GCNT1: variants seen among roughly 807,000 people sequenced by gnomAD.
GCNT1 encodes beta-1,3-galactosyl-O-glycosyl-glycoprotein beta-1,6-N-acetylglucosaminyltransferase.
A neutral mutation model predicts 26.2 loss-of-function variants in GCNT1; 16 were observed. That is an observed-to-expected ratio of 0.61 (90% CI 0.41 to 0.93). The LOEUF is 0.93. GCNT1 is among the 40% of genes least tolerant of loss of function. The probability of loss-of-function intolerance (pLI) is 0.00; values close to 1 mark genes in which losing one functional copy is unlikely to be tolerated. For missense variants in GCNT1, 477 were observed against 526.7 expected, an observed-to-expected ratio of 0.91 and a Z score of 0.92; for synonymous variants, 183 against 190.8, an observed-to-expected ratio of 0.96 and a Z score of 0.34.
upstream of GCNT1, among the ~76,000 whole-genome samples, chr9:76,457,248 A>T (rs1426460820): frequency 6.6e-6 from 1 of 151,982 alleles, no homozygotes; most frequent in African/African-American, 2.4e-5. Context: ...ATTTTTAATT[A>T]ATTAATTTAT....
At chr9:76,480,889 T>C (rs977858898) in intron 2 of GCNT1, among the ~76,000 whole-genome samples, 1 of 152,096 alleles carries the variant, frequency 6.6e-6, no homozygotes, top group Non-Finnish European at 1.5e-5. Flanking sequence ...AATTTCATTA[T>C]GTATTTTAAC....
intron 2 of GCNT1, among the ~76,000 whole-genome samples, chr9:76,462,036 T>G (rs531018664): frequency 1.1e-3 from 171 of 152,360 alleles, no homozygotes; most frequent in African/African-American, 3.8e-3. Context: ...TATTGTACAT[T>G]TTTCATGAAA....
chr9:76,434,371 G>T (rs1823378212), intron 1 of GCNT1, among the ~76,000 whole-genome samples: 1 of 152,176 alleles, frequency 6.6e-6, no homozygotes, highest in Admixed American at 6.6e-5. Flanking sequence ...GGAGTGACTG[G>T]CTGGAGCCAT....
At chr9:76,421,683 T>C (rs1016390709) in intron 1 of GCNT1, among the ~76,000 whole-genome samples, 1 of 130,086 alleles carries the variant, frequency 7.7e-6, no homozygotes, top group African/African-American at 2.9e-5. Flanking sequence ...AATTTGTTTG[T>C]AGGTTGTTTT....
intron 1 of GCNT1, among the ~76,000 whole-genome samples, 194 bp from the exon 2 acceptor site, chr9:76,459,866 C>T (rs1463979302): frequency 6.6e-6 from 1 of 152,182 alleles, no homozygotes; most frequent in Non-Finnish European, 1.5e-5. Context: ...TTTCCTTCTT[C>T]TCGCGGCAGT....
In GCNT1 at chr9:76,505,113, A is replaced by G; in HGVS notation, c.*1445A>G. ...CTACCAGGAACTGTGAGGCTTTGTC[A>G]TTTAGCATTAGACTTTAAACAAGAA... On this transcript the variant is annotated 3_prime_UTR_variant, in exon 4 of 4. Transcript: ENST00000376730. 2 of 411,564 alleles carry G rather than the reference A, an allele frequency of 4.9e-6. No homozygotes were observed. The highest frequency in any genetic ancestry group is 4.4e-6 in the Non-Finnish European group (1 of 225,500). 25.5% of individuals were successfully genotyped at this position (411,564 alleles called of 1,614,324 possible). A position where few individuals can be genotyped will look rare whatever the true frequency, so the allele number is the denominator to read the frequency against.
rs1825235802 is a variant in GCNT1 at position 76,506,271 on chromosome 9, C to T, written c.*2603C>T. On this transcript the variant is annotated 3_prime_UTR_variant, in exon 4 of 4. Transcript: ENST00000376730. ...TTTTATAGAGAAATCTGAGAAATCACATTCACAAATTAGAAGTCAAACATG... is the reference window on the plus strand; with the variant it reads ...TTTTATAGAGAAATCTGAGAAATCATATTCACAAATTAGAAGTCAAACATG... 1 of 167,090 alleles carries T rather than the reference C, an allele frequency of 6.0e-6. No homozygotes were observed. The highest frequency in any genetic ancestry group is 6.5e-5 in the Admixed American group (1 of 15,300). The allele number at this position is 167,090 out of a possible 1,614,324, so 10.4% of individuals were successfully genotyped here.
At chr9:76,469,494 T>C (rs1824081512) in intron 2 of GCNT1, among the ~76,000 whole-genome samples, 1 of 152,164 alleles carries the variant, frequency 6.6e-6, no homozygotes. Flanking sequence ...ACGGCTACCC[T>C]CTTTGGGTCC....
At chr9:76,421,660 T>C (rs145504905) in intron 1 of GCNT1, among the ~76,000 whole-genome samples, 2,357 of 146,426 alleles carry the variant, frequency 0.016, 35 homozygotes, top group Non-Finnish European at 0.029. Context: ...TAATGTCTTA[T>C]TGATGGCAAC....
intron 2 of GCNT1, among the ~76,000 whole-genome samples, chr9:76,467,464 C>T (rs929389516): frequency 4.6e-5 from 7 of 152,042 alleles, no homozygotes; most frequent in Admixed American, 6.6e-5. Context: ...TCGGTGTTGG[C>T]TATACATTAG....
At chr9:76,393,972 G>A in the GCNT1 span, 3 of 887,866 alleles carry the variant, frequency 3.4e-6, no homozygotes, top group Admixed American at 2.4e-5. Context: ...GAGGAGGAAG[G>A]GTGTGCTCTC....
chr9:76,448,829 T>C (rs1214193745), intron 1 of GCNT1, among the ~76,000 whole-genome samples: 2 of 152,252 alleles, frequency 1.3e-5, no homozygotes. Context: ...ATTATTTTAA[T>C]ATGATATGCT....
At chr9:76,427,691 T>C in intron 1 of GCNT1, among the ~76,000 whole-genome samples, 1 of 152,130 alleles carries the variant, frequency 6.6e-6, no homozygotes, top group East Asian at 1.9e-4. Flanking sequence ...ATAATAAAAA[T>C]TAAAAGGATT....
At chr9:76,394,050 C>A in the GCNT1 span, 8 of 1,550,700 alleles carry the variant, frequency 5.2e-6, no homozygotes, top group Middle Eastern at 1.9e-4. Flanking sequence ...CCGCTCCCCA[C>A]GTGACCCGGC....
intron 1 of GCNT1, among the ~76,000 whole-genome samples, chr9:76,428,722 CAG>C: frequency 8.1e-6 from 1 of 123,808 alleles, no homozygotes; most frequent in East Asian, 2.2e-4. Context: ...TTTTTTGAGA[CAG>C]AGTTTCGCTC....
At chr9:76,397,074 G>C in the GCNT1 span, among the ~76,000 whole-genome samples, 1 of 152,186 alleles carries the variant, frequency 6.6e-6, no homozygotes, top group African/African-American at 2.4e-5. Flanking sequence ...CTGAGGCCAG[G>C]AGTTCAATAC....
chr9:76,398,436 T>C, the GCNT1 span, among the ~76,000 whole-genome samples: 1 of 152,334 alleles, frequency 6.6e-6, no homozygotes, highest in African/African-American at 2.4e-5. Context: ...GGCAACCATG[T>C]AGAGCAACAG....
the GCNT1 span, among the ~76,000 whole-genome samples, chr9:76,401,246 T>A: frequency 6.6e-6 from 1 of 152,232 alleles, no homozygotes; most frequent in Non-Finnish European, 1.5e-5. Flanking sequence ...ATGTTTTATT[T>A]ATTTATGTAT....
intron 3 of GCNT1, 98 bp from the exon 4 acceptor site, chr9:76,502,141 G>A (rs1825086654): frequency 5.6e-6 from 1 of 177,522 alleles, no homozygotes; most frequent in Non-Finnish European, 1.1e-5. Context: ...AGCCTGAGAA[G>A]ATTTATTGTG....
Sources: allele counts gnomAD v4.1 joint callset (sites outside exome capture counted in the v4.1 genomes callset), GRCh38; gene constraint gnomAD v4.1.1; transcripts MANE v1.5; gene names NCBI Gene and HGNC (gene_info 2026-07-23, HGNC 2026-07-21).